KIAA1328: variants seen among roughly 807,000 people sequenced by gnomAD.
The protein encoded by KIAA1328 is KIAA1328, also known as protein hinderin.
KIAA1328 carries 52 observed loss-of-function variants against 68.1 expected under a neutral mutation model. That is an observed-to-expected ratio of 0.76 (90% CI 0.61 to 0.96). The LOEUF (loss-of-function observed/expected upper bound fraction) is 0.96, where lower values mean the gene tolerates loss of function less well. Among genes scored for constraint, KIAA1328 ranks in the 40% least tolerant of loss-of-function variants. The pLI is 0.00. For synonymous variants in KIAA1328, 232 were observed against 239.4 expected, an observed-to-expected ratio of 0.97 and a Z score of 0.28; for missense variants, 641 against 677.6, an observed-to-expected ratio of 0.95 and a Z score of 0.60.
intron 7 of KIAA1328, among the ~76,000 whole-genome samples, chr18:37,098,923 C>A (rs530431592): frequency 1.3e-5 from 2 of 151,948 alleles, no homozygotes; most frequent in South Asian, 4.2e-4. Flanking sequence ...TGGCAATATC[C>A]CCTTGGTCAT....
chr18:36,969,089 T>C (rs2052063256), intron 6 of KIAA1328, among the ~76,000 whole-genome samples: 1 of 152,092 alleles, frequency 6.6e-6, no homozygotes, highest in Non-Finnish European at 1.5e-5. Context: ...TTTGAAATGA[T>C]TGAGAACAAA....
chr18:37,073,848 C>A (rs1036382466), intron 7 of KIAA1328, among the ~76,000 whole-genome samples: 1 of 152,106 alleles, frequency 6.6e-6, no homozygotes, highest in Non-Finnish European at 1.5e-5. Context: ...ATAATACCAA[C>A]GTTTATGTGA....
intron 4 of KIAA1328, among the ~76,000 whole-genome samples, chr18:36,878,198 G>A (rs1459177978): frequency 2.0e-5 from 3 of 152,092 alleles, no homozygotes; most frequent in Non-Finnish European, 4.4e-5. Context: ...TTCCTTCAGG[G>A]GCTCTTGTAA....
chr18:36,853,773 G>A (rs545898459), intron 4 of KIAA1328, among the ~76,000 whole-genome samples: 9 of 151,926 alleles, frequency 5.9e-5, no homozygotes, highest in South Asian at 2.1e-4. Flanking sequence ...ATTCTTCTGC[G>A]TCAGCCTCCC....
At chr18:36,865,856 C>T (rs1454215253) in intron 4 of KIAA1328, among the ~76,000 whole-genome samples, 1 of 152,158 alleles carries the variant, frequency 6.6e-6, no homozygotes, top group Non-Finnish European at 1.5e-5. Flanking sequence ...GCTTTGTGGT[C>T]ATGTCCTCCT....
At chr18:36,890,224 TTC>T (rs1416378073) in intron 5 of KIAA1328, among the ~76,000 whole-genome samples, 2 of 146,700 alleles carry the variant, frequency 1.4e-5, no homozygotes, top group African/African-American at 2.4e-5. Flanking sequence ...TTCTTTCTTC[TTC>T]TTTTTTTTTT....
chr18:37,102,274 C>T (rs184954499), intron 7 of KIAA1328, among the ~76,000 whole-genome samples: 5 of 152,158 alleles, frequency 3.3e-5, no homozygotes, highest in Admixed American at 2.0e-4. Context: ...GCCTGTCAGG[C>T]GTGATTCAGG....
intron 6 of KIAA1328, among the ~76,000 whole-genome samples, chr18:37,004,557 A>G (rs1425993208): frequency 1.3e-5 from 2 of 152,130 alleles, no homozygotes; most frequent in Non-Finnish European, 2.9e-5. Flanking sequence ...CCACAATGAG[A>G]TACAACCTTA....
chr18:37,009,483 G>C (rs933908052), intron 6 of KIAA1328, among the ~76,000 whole-genome samples: 2 of 152,072 alleles, frequency 1.3e-5, no homozygotes, highest in African/African-American at 4.8e-5. Flanking sequence ...TCCAGCAGCT[G>C]TCTCAACTAG....
chr18:37,207,507 T>A (rs971222826), intron 9 of KIAA1328, among the ~76,000 whole-genome samples: 7 of 152,248 alleles, frequency 4.6e-5, no homozygotes, highest in African/African-American at 1.7e-4. Flanking sequence ...CAAAGTGTCC[T>A]GCTTAGGAGT....
In KIAA1328 at chr18:36,980,606, G is replaced by C. The variant is rs192038971; in HGVS notation, c.576+21171G>C. On this transcript the variant is annotated intron_variant, in intron 6 of 9. Coordinates refer to ENST00000280020, the MANE Select transcript of KIAA1328 (RefSeq NM_020776.3). ...TTTACCGGCCTAAGTGAAGTGAAAG[G>C]AAGTAATGAGAAGTACAATTATTCT... 8.7e-4 allele frequency among the ~76,000 whole-genome samples: 133 copies of C among 152,264 alleles called. 2 individuals are homozygous for C. The highest frequency in any genetic ancestry group is 1.4e-3 in the Non-Finnish European group (96 of 68,022).
At chr18:37,003,966 G>A (rs1317010811) in intron 6 of KIAA1328, among the ~76,000 whole-genome samples, 1 of 151,952 alleles carries the variant, frequency 6.6e-6, no homozygotes, top group Non-Finnish European at 1.5e-5. Flanking sequence ...TATACCAGTA[G>A]CATGCTCTTT....
chr18:37,014,930 G>T (rs997188947), intron 6 of KIAA1328, among the ~76,000 whole-genome samples: 1 of 152,106 alleles, frequency 6.6e-6, no homozygotes, highest in Non-Finnish European at 1.5e-5. Flanking sequence ...TTTAGACAGA[G>T]TCTAGCTCTG....
intron 6 of KIAA1328, among the ~76,000 whole-genome samples, chr18:37,035,663 CT>C (rs2054997682): frequency 6.6e-6 from 1 of 152,166 alleles, no homozygotes; most frequent in African/African-American, 2.4e-5. Context: ...CCCCGAATCT[CT>C]TCCCGTATTA....
chr18:37,127,665 G>T (rs2058425458), intron 7 of KIAA1328, among the ~76,000 whole-genome samples: 1 of 152,170 alleles, frequency 6.6e-6, no homozygotes, highest in Non-Finnish European at 1.5e-5. Context: ...CTAACAAATT[G>T]ATATGTGGAT....
intron 9 of KIAA1328, among the ~76,000 whole-genome samples, chr18:37,181,250 A>T (rs2059693575): frequency 1.3e-5 from 2 of 152,166 alleles, no homozygotes; most frequent in African/African-American, 4.8e-5. Flanking sequence ...CTAATCTGGA[A>T]ACTTCAGAAA....
chr18:37,097,872 G>C (rs1393582946), intron 7 of KIAA1328, among the ~76,000 whole-genome samples: 1 of 152,076 alleles, frequency 6.6e-6, no homozygotes, highest in Non-Finnish European at 1.5e-5. Flanking sequence ...TTGGCTGTCT[G>C]TTTGTCTGTT....
rs538495923 is a variant in KIAA1328, at chr18:36,847,741, A to C, written c.332+3439A>C. On this transcript the variant is annotated intron_variant, in intron 4 of 9. Transcript: ENST00000280020. ...TTTTGATAAAATTTTGGATCTTGAC[A>C]AAGTTCAGTTTATCAATTTTTTCCT... Among the ~76,000 whole-genome samples the C allele has an allele frequency of 1.1e-3, 160 of 151,742 alleles. 2 individuals carry two copies. The highest frequency in any genetic ancestry group is 3.8e-3 in the African/African-American group (158 of 41,522).
chr18:36,875,704 G>T (rs1008792405), intron 4 of KIAA1328, among the ~76,000 whole-genome samples: 1 of 152,154 alleles, frequency 6.6e-6, no homozygotes, highest in African/African-American at 2.4e-5. Flanking sequence ...CCAATACTAT[G>T]TTGAATAGGA....
Sources: allele counts gnomAD v4.1 joint callset (sites outside exome capture counted in the v4.1 genomes callset), GRCh38; gene constraint gnomAD v4.1.1; transcripts MANE v1.5; gene names NCBI Gene and HGNC (gene_info 2026-07-23, HGNC 2026-07-21).